Variants in CTNS observed in about 807,000 individuals in gnomAD.
CTNS encodes the protein cystinosin.
In CTNS, 27 loss-of-function variants were observed where a neutral mutation model predicts 43.7. The ratio of observed to expected loss-of-function variants is 0.62; its 90% CI spans 0.46 to 0.85. The LOEUF (loss-of-function observed/expected upper bound fraction) is 0.85. CTNS is among the 40% of genes least tolerant of loss of function. CTNS has a pLI of 0.00. For synonymous variants in CTNS, 187 were observed against 190.6 expected, an observed-to-expected ratio of 0.98 and a Z score of 0.16; for missense variants, 457 against 475.4, an observed-to-expected ratio of 0.96 and a Z score of 0.36.
rs2075868623 is a variant in CTNS, at chr17:3,647,427, G to A, written c.62-17G>A. Reference sequence around the variant, plus strand: ...CTCTGACCCAGTGCCTCATGTCATTGATTTGGGTCCTTCCAGAGTCAAGCG... The same window carrying A: ...CTCTGACCCAGTGCCTCATGTCATTAATTTGGGTCCTTCCAGAGTCAAGCG... On this transcript the variant is annotated splice_polypyrimidine_tract_variant and intron_variant, in intron 3 of 11. Coordinates refer to ENST00000046640, the MANE Select transcript of CTNS (RefSeq NM_004937.3). The A allele has an allele frequency of 6.2e-7, 1 of 1,612,630 alleles. No individual in the cohort carries two copies. The highest frequency in any genetic ancestry group is 1.3e-5 in the African/African-American group (1 of 74,904).
chr17:3,640,022 C>A, intron 2 of CTNS, 166 bp from the exon 3 acceptor site: 1 of 623,904 alleles, frequency 1.6e-6, no homozygotes. Flanking sequence ...AAAGATAAGT[C>A]CTCTCTAGGG....
chr17:3,650,127 A>G, intron 5 of CTNS: 1 of 1,544,776 alleles, frequency 6.5e-7, no homozygotes, highest in Non-Finnish European at 8.8e-7. Flanking sequence ...CACGTTATAT[A>G]CTGCAAATAT....
intron 6 of CTNS, 21 bp from the exon 7 acceptor site, chr17:3,655,200 G>T: frequency 6.2e-7 from 1 of 1,614,134 alleles, no homozygotes; most frequent in Non-Finnish European, 8.5e-7. Flanking sequence ...AGCTCATCCC[G>T]GTCCCCAAAC....
rs142004501 is a variant in CTNS, at chr17:3,651,994, A to T, written c.226-3004A>T. On this transcript the variant is annotated intron_variant, in intron 5 of 11. Coordinates refer to ENST00000046640, the MANE Select transcript of CTNS (RefSeq NM_004937.3). Reference sequence around the variant, plus strand: ...GTCTCAAAAAAAAAGAAAAGAAAAGAAAAGTCTTTAACAATGAGAGTCAAA... The same window carrying T: ...GTCTCAAAAAAAAAGAAAAGAAAAGTAAAGTCTTTAACAATGAGAGTCAAA... 7.6e-3 allele frequency among the ~76,000 whole-genome samples: 1,140 copies of T among 150,556 alleles called. 13 individuals are homozygous for T. Among genetic ancestry groups the T allele is most frequent in the African/African-American group, 0.027 (1,083 of 40,514 alleles).
Position 3,661,172 on chromosome 17 carries a change from C to A in CTNS, c.*803C>A. ...TCTGGAGTACAGGACATAGCTCTCT[C>A]CTGCTACCAGTCTGTGCCTTAGAGG... On this transcript the variant is annotated 3_prime_UTR_variant, in exon 12 of 12. Coordinates refer to ENST00000046640, the MANE Select transcript of CTNS (RefSeq NM_004937.3). 3.7e-6 allele frequency: 1 copy of A among 266,862 alleles called. No individual in the cohort carries two copies. Among genetic ancestry groups the A allele is most frequent in the Non-Finnish European group, 7.4e-6 (1 of 135,034 alleles). 16.5% of individuals were successfully genotyped at this position (266,862 alleles called of 1,614,324 possible). A position where few individuals can be genotyped will look rare whatever the true frequency, so the allele number is the denominator to read the frequency against.
At chr17:3,640,708 G>A (rs1024281170) in intron 3 of CTNS, among the ~76,000 whole-genome samples, 9 of 152,158 alleles carry the variant, frequency 5.9e-5, no homozygotes, top group African/African-American at 1.9e-4. Context: ...GACCAACCTG[G>A]GCAACGTAGT....
In CTNS at chr17:3,661,724, G is replaced by A. The variant is rs1049075394; in HGVS notation, c.*1355G>A. Among the ~76,000 whole-genome samples, 1 of 152,218 alleles carries A rather than the reference G, an allele frequency of 6.6e-6. No individual in the cohort carries two copies. The highest frequency in any genetic ancestry group is 1.5e-5 in the Non-Finnish European group (1 of 68,032). On this transcript the variant is annotated 3_prime_UTR_variant, in exon 12 of 12. Coordinates refer to ENST00000046640, the MANE Select transcript of CTNS (RefSeq NM_004937.3). ...CGAGACGCCTACCCGCCCAGGGCCA[G>A]GTCAGTCTCCCAGGCTCCGTGTCTT...
chr17:3,642,439 G>A (rs994607184), intron 3 of CTNS, among the ~76,000 whole-genome samples: 1 of 152,178 alleles, frequency 6.6e-6, no homozygotes, highest in Admixed American at 6.5e-5. Flanking sequence ...TGTAATCCCA[G>A]CACTTTGGGA....
At chr17:3,658,362 G>A (rs2076206654) in intron 10 of CTNS, among the ~76,000 whole-genome samples, 187 bp downstream of exon 10, 1 of 152,212 alleles carries the variant, frequency 6.6e-6, no homozygotes, top group Non-Finnish European at 1.5e-5. Flanking sequence ...CCCGGGGCTG[G>A]AATCACAGGA....
intron 5 of CTNS, chr17:3,650,037 A>T (rs879391732): frequency 7.3e-7 from 1 of 1,362,488 alleles, no homozygotes; most frequent in South Asian, 1.5e-5. Flanking sequence ...ACAACAACAA[A>T]AAAAAGATAA....
chr17:3,662,325 A>AT lies in CTNS; in HGVS notation c.*1956_*1957insT, dbSNP rs2076289281. Among the ~76,000 whole-genome samples, 1 of 149,296 alleles carries AT rather than the reference A, an allele frequency of 6.7e-6. No homozygotes were observed. The highest frequency in any genetic ancestry group is 2.6e-5 in the African/African-American group (1 of 38,944). ...AAACTCCATCTCAAAAAAAAAAAAA[A>AT]ATTATTGACTTTTCTTTAAAATCTG... On this transcript the variant is annotated 3_prime_UTR_variant, in exon 12 of 12. Coordinates refer to ENST00000046640, the MANE Select transcript of CTNS (RefSeq NM_004937.3).
chr17:3,656,524 C>T lies in CTNS; in HGVS notation c.499C>T (p.Leu167=). The T allele has an allele frequency of 6.2e-7, 1 of 1,606,188 alleles. No homozygotes were observed. The highest frequency in any genetic ancestry group is 8.5e-7 in the Non-Finnish European group (1 of 1,178,226). ...GAGCTTCGACTTCGTGGCTCTGAAC[C>T]TGACGGGCTTCGTGGCCTACAGTGT... ...GLSFDFVALN[L]TGFVAYSVFN... Residue 167 remains leucine, a synonymous_variant, in exon 8 of 12, where the codon CTG becomes TTG. Coordinates refer to ENST00000046640, the MANE Select transcript of CTNS (RefSeq NM_004937.3).
In CTNS at chr17:3,648,850, A is replaced by G; in HGVS notation, c.144A>G (p.Pro48=). The change falls in exon 5 of 12, where the codon CCA becomes CCG. Residue 48 remains proline (P), a synonymous_variant. Transcript: ENST00000046640. ...ATTAGACTCTTGTCCTCCACAGGCC[A>G]CCATTAAATGCAACCCTGGTGATCA... ...SSTNVSLTLR[P]PLNATLVITF... 1 of 1,613,426 alleles carries G rather than the reference A, an allele frequency of 6.2e-7. No homozygotes were observed. The highest frequency in any genetic ancestry group is 8.5e-7 in the Non-Finnish European group (1 of 1,179,304).
At position 3,642,070 on chromosome 17, in the gene CTNS, TGTGTGTGTGTGTGCCTGGGC is replaced by T. The variant is rs1314975517; in HGVS notation, c.61+1823_61+1842del. ...GTGTGTGTGTGTACCCGGGCGTGTG[TGTGTGTGTGTGTGCCTGGGC>T]GTGTGTGTGTGTGCCTGGGTGTGTG... On this transcript the variant is annotated intron_variant, in intron 3 of 11. Transcript: ENST00000046640. Among the ~76,000 whole-genome samples, 4 of 146,434 alleles carry T rather than the reference TGTGTGTGTGTGTGCCTGGGC, an allele frequency of 2.7e-5. 1 individual carries two copies. The highest frequency in any genetic ancestry group is 4.0e-4 in the East Asian group (2 of 5,056).
In CTNS at chr17:3,659,912, C is replaced by T. The variant is rs2142981414; in HGVS notation, c.907C>T (p.Leu303Phe). 3 of 1,614,020 alleles carry T rather than the reference C, an allele frequency of 1.9e-6. No individual in the cohort carries two copies. In the Middle Eastern group the frequency reaches 5.0e-4, roughly 267 times the overall value. Reference sequence around the variant, plus strand: ...TGAGGGCTGGAGCATTGGCAACGTGCTCCTGGACTTCACCGGGGGCAGCTT... The same window carrying T: ...TGAGGGCTGGAGCATTGGCAACGTGTTCCTGGACTTCACCGGGGGCAGCTT... ...STEGWSIGNV[L>F]LDFTGGSFSL... The change falls in exon 11 of 12, where the codon CTC becomes TTC. Residue 303 changes from leucine to phenylalanine, a missense_variant. Leu to Phe is a conservative substitution (Grantham distance 22, BLOSUM62 0). Transcript: ENST00000046640.
intron 3 of CTNS, among the ~76,000 whole-genome samples, chr17:3,641,153 G>A (rs1258108459): frequency 6.6e-6 from 1 of 151,750 alleles, no homozygotes; most frequent in Non-Finnish European, 1.5e-5. Context: ...TGGAACACAG[G>A]CTGGGATGGA....
chr17:3,659,287 C>T (rs1030075255), intron 10 of CTNS, among the ~76,000 whole-genome samples: 4 of 151,944 alleles, frequency 2.6e-5, no homozygotes, highest in East Asian at 1.9e-4. Flanking sequence ...GGCGCATCCC[C>T]GCAGACCCGC....
chr17:3,644,076 G>T (rs959841492), intron 3 of CTNS, among the ~76,000 whole-genome samples: 2 of 152,104 alleles, frequency 1.3e-5, no homozygotes, highest in African/African-American at 4.8e-5. Flanking sequence ...GACTTGGGGG[G>T]CCAGCTTCCT....
At chr17:3,658,664 C>T (rs930080103) in intron 10 of CTNS, among the ~76,000 whole-genome samples, 3 of 152,238 alleles carry the variant, frequency 2.0e-5, no homozygotes, top group African/African-American at 7.2e-5. Context: ...AGTTGCTGCA[C>T]CCGGGGACCT....
Sources: gnomAD v4.1 joint callset for allele counts (sites outside exome capture counted in the v4.1 genomes callset) on GRCh38, gnomAD v4.1.1 for gene constraint, MANE v1.5 for transcripts, NCBI Gene and HGNC (gene_info 2026-07-23, HGNC 2026-07-21) for gene names.